Variants in PDGFRL observed in about 807,000 individuals in gnomAD.
The protein encoded by PDGFRL is platelet-derived growth factor receptor-like protein.
Under a neutral mutation model 37.2 loss-of-function variants are expected in PDGFRL, and 46 were observed. The ratio of observed to expected loss-of-function variants is 1.24; its 90% CI spans 0.98 to 1.58. The LOEUF (loss-of-function observed/expected upper bound fraction) is 1.58. Among genes scored for constraint, PDGFRL ranks in the 40% most tolerant of loss-of-function variants. The probability of loss-of-function intolerance (pLI) is 0.00; values close to 1 mark genes in which losing one functional copy is unlikely to be tolerated. For synonymous variants in PDGFRL, 251 were observed against 184.3 expected (o/e 1.36, Z -2.93); for missense variants, 692 against 467.6 (o/e 1.48, Z -4.43).
intron 4 of PDGFRL, among the ~76,000 whole-genome samples, chr8:17,632,900 T>C (rs75529708): frequency 0.019 from 2,914 of 152,304 alleles, 103 homozygotes; most frequent in African/African-American, 0.066. Flanking sequence ...CTTGAGATTT[T>C]AGTTCAAACA....
intron 2 of PDGFRL, among the ~76,000 whole-genome samples, chr8:17,595,949 C>A (rs1286343389): frequency 6.6e-6 from 1 of 152,232 alleles, no homozygotes; most frequent in Non-Finnish European, 1.5e-5. Flanking sequence ...CAGGGTTCCT[C>A]AGGTTGAGCC....
chr8:17,595,513 C>T (rs1233581358), intron 2 of PDGFRL, among the ~76,000 whole-genome samples: 1 of 152,204 alleles, frequency 6.6e-6, no homozygotes, highest in Admixed American at 6.5e-5. Context: ...GGAGGTTTCT[C>T]AGCCTCCTGA....
At chr8:17,622,740 C>G (rs75820497) in intron 3 of PDGFRL, among the ~76,000 whole-genome samples, 3,760 of 152,242 alleles carry the variant, frequency 0.025, 109 homozygotes, top group South Asian at 0.077. Flanking sequence ...GTCCTGAAAG[C>G]AGGTTGCAGG....
intron 2 of PDGFRL, among the ~76,000 whole-genome samples, chr8:17,603,652 A>G (rs762243544): frequency 6.6e-6 from 1 of 152,170 alleles, no homozygotes; most frequent in Non-Finnish European, 1.5e-5. Context: ...ATAAGCATCT[A>G]CTATGTTTGT....
chr8:17,579,887 T>G (rs555475393), intron 1 of PDGFRL, among the ~76,000 whole-genome samples: 8 of 152,218 alleles, frequency 5.3e-5, no homozygotes, highest in Admixed American at 2.0e-4. Context: ...AGGTAATAAA[T>G]AATCCAAGAT....
chr8:17,622,514 G>A (rs561777822), intron 3 of PDGFRL, among the ~76,000 whole-genome samples: 2 of 152,244 alleles, frequency 1.3e-5, no homozygotes, highest in South Asian at 4.1e-4. Context: ...GTCCTTTCCT[G>A]CCCAAATAGC....
At chr8:17,580,599 G>A (rs911389695) in intron 1 of PDGFRL, among the ~76,000 whole-genome samples, 1 of 152,046 alleles carries the variant, frequency 6.6e-6, no homozygotes, top group Admixed American at 6.6e-5. Context: ...TGAAGGGAGA[G>A]GAAAGATAAA....
intron 2 of PDGFRL, among the ~76,000 whole-genome samples, chr8:17,616,304 C>T (rs1283254056): frequency 2.0e-5 from 3 of 152,136 alleles, no homozygotes; most frequent in Non-Finnish European, 4.4e-5. Context: ...AAGCGATTGT[C>T]CTGCGTCAGC....
chr8:17,604,675 T>G, intron 2 of PDGFRL, among the ~76,000 whole-genome samples: 2 of 152,148 alleles, frequency 1.3e-5, no homozygotes, highest in East Asian at 3.8e-4. Flanking sequence ...GCATGGCACA[T>G]GTATACATAT....
chr8:17,612,985 A>T (rs1804452933), intron 2 of PDGFRL, among the ~76,000 whole-genome samples: 1 of 152,218 alleles, frequency 6.6e-6, no homozygotes, highest in East Asian at 1.9e-4. Flanking sequence ...TTATCAAAAT[A>T]TTCAAACTCT....
intron 2 of PDGFRL, among the ~76,000 whole-genome samples, chr8:17,599,614 G>A (rs925716911): frequency 1.3e-5 from 2 of 152,188 alleles, no homozygotes; most frequent in East Asian, 1.9e-4. Flanking sequence ...AGCTCGCCAC[G>A]TGGCCGTGGC....
chr8:17,618,410 C>G (rs892561207), intron 2 of PDGFRL, among the ~76,000 whole-genome samples: 1 of 152,116 alleles, frequency 6.6e-6, no homozygotes, highest in African/African-American at 2.4e-5. Context: ...TGCATGTGTA[C>G]TATTTGTCAT....
intron 2 of PDGFRL, among the ~76,000 whole-genome samples, chr8:17,603,681 G>A (rs1372333362): frequency 6.6e-6 from 1 of 152,188 alleles, no homozygotes; most frequent in East Asian, 1.9e-4. Flanking sequence ...CTAGGCAGAT[G>A]ATGGAGATAA....
At chr8:17,595,713 G>A (rs954894878) in intron 2 of PDGFRL, among the ~76,000 whole-genome samples, 1 of 152,198 alleles carries the variant, frequency 6.6e-6, no homozygotes, top group Non-Finnish European at 1.5e-5. Flanking sequence ...TAGCCCTGTG[G>A]TGGGGCGGGG....
chr8:17,585,961 C>CTT (rs772612222), intron 1 of PDGFRL, among the ~76,000 whole-genome samples: 1 of 149,538 alleles, frequency 6.7e-6, no homozygotes, highest in Non-Finnish European at 1.5e-5. Context: ...TCTGTTTTTT[C>CTT]TTTTTTTTGA....
chr8:17,640,233 C>A (rs776819394), intron 5 of PDGFRL, among the ~76,000 whole-genome samples: 1 of 152,144 alleles, frequency 6.6e-6, no homozygotes. Context: ...TCTCTGATGC[C>A]TCCTTGAGTA....
intron 2 of PDGFRL, among the ~76,000 whole-genome samples, chr8:17,612,158 C>A (rs1018952095): frequency 6.6e-6 from 1 of 152,150 alleles, no homozygotes; most frequent in African/African-American, 2.4e-5. Context: ...TAAAGGAATT[C>A]TTGGTGGCCC....
chr8:17,620,934 T>C (rs1210119157), intron 2 of PDGFRL, 117 bp from the exon 3 acceptor site: 13 of 512,374 alleles, frequency 2.5e-5, no homozygotes, highest in Non-Finnish European at 4.0e-5. Context: ...TATTACTCTA[T>C]GACATCGGAG....
rs549347155 is a variant in PDGFRL, at chr8:17,616,472, C to T, written c.354-4579C>T. ...CCTCCCAAAATGCTGGGATTACAGG[C>T]ATGAACCACTTGCGCCTGGCCCAAG... On this transcript the variant is annotated intron_variant, in intron 2 of 5. Coordinates refer to ENST00000251630, the MANE Select transcript of PDGFRL (RefSeq NM_001372073.1). Among the ~76,000 whole-genome samples the T allele has an allele frequency of 1.3e-4, 20 of 152,216 alleles. No individual in the cohort carries two copies. In the South Asian group the frequency reaches 3.9e-3, roughly 30 times the overall value.
Sources: gnomAD v4.1 joint callset for allele counts (sites outside exome capture counted in the v4.1 genomes callset) on GRCh38, gnomAD v4.1.1 for gene constraint, MANE v1.5 for transcripts, NCBI Gene and HGNC (gene_info 2026-07-23, HGNC 2026-07-21) for gene names.